Variants in ZNF385C observed in about 807,000 individuals in gnomAD.
ZNF385C encodes the protein CTD-2132N18.2.
Under a neutral mutation model 35.4 loss-of-function variants are expected in ZNF385C, and 28 were observed. The ratio of observed to expected loss-of-function variants is 0.79; its 90% CI spans 0.59 to 1.08. The LOEUF is 1.08. ZNF385C is among the 50% of genes least tolerant of loss of function. The pLI is 0.00. For missense variants in ZNF385C, 605 were observed against 595.6 expected (o/e 1.02, Z -0.16); for synonymous variants, 248 against 248.2 (o/e 1.00, Z 0.01).
intron 1 of ZNF385C, among the ~76,000 whole-genome samples, chr17:42,079,315 A>G (rs1163403017): frequency 6.9e-6 from 1 of 145,296 alleles, no homozygotes; most frequent in Non-Finnish European, 1.5e-5. Flanking sequence ...GAGACGGGAG[A>G]TTGAGGCTGC....
At chr17:42,031,582 A>G in intron 5 of ZNF385C, 37 bp downstream of exon 5, 1 of 1,523,230 alleles carries the variant, frequency 6.6e-7, no homozygotes, top group South Asian at 1.2e-5. Context: ...CCAGATTTGG[A>G]GTGGAGACGT....
At chr17:42,092,043 C>A (rs1475492557) in intron 1 of ZNF385C, among the ~76,000 whole-genome samples, 2 of 152,210 alleles carry the variant, frequency 1.3e-5, no homozygotes, top group African/African-American at 4.8e-5. Flanking sequence ...AGTCCAGGTT[C>A]TGCTAGAAGA....
chr17:42,028,124 G>GT lies in ZNF385C; in HGVS notation c.1089_1090insA (p.Arg364ThrfsTer64). 6.2e-7 allele frequency: 1 copy of GT among 1,612,820 alleles called. No homozygotes were observed. Among genetic ancestry groups the GT allele is most frequent in the Non-Finnish European group, 8.5e-7 (1 of 1,179,580 alleles). ...TGGAAGGCAGGGCTGGGCCCCTGCC[G>GT]GCCGCCCCGGCCCCCTGTGACTCTC... is the stretch of plus-strand genomic sequence containing the variant. On this transcript the variant is annotated frameshift_variant, in exon 7 of 9. Transcript: ENST00000692273. LOFTEE classifies it high-confidence loss of function.
At chr17:42,057,387 C>T (rs1159369395) in intron 2 of ZNF385C, among the ~76,000 whole-genome samples, 1 of 152,124 alleles carries the variant, frequency 6.6e-6, no homozygotes, top group Non-Finnish European at 1.5e-5. Context: ...CCAGCTGTCC[C>T]CCGATGCCCT....
At chr17:42,069,727 G>T (rs1288503645) in intron 1 of ZNF385C, among the ~76,000 whole-genome samples, 1 of 152,202 alleles carries the variant, frequency 6.6e-6, no homozygotes, top group African/African-American at 2.4e-5. Context: ...ACCCTGCCTC[G>T]CTGGGCTTTG....
intron 4 of ZNF385C, 116 bp downstream of exon 4, chr17:42,034,109 C>G: frequency 1.2e-6 from 1 of 825,078 alleles, no homozygotes; most frequent in South Asian, 1.5e-5. Flanking sequence ...GTGGAAAATA[C>G]CGACCACAGC....
intron 4 of ZNF385C, among the ~76,000 whole-genome samples, chr17:42,032,827 C>T (rs1294617403): frequency 7.2e-5 from 11 of 152,010 alleles, no homozygotes; most frequent in African/African-American, 2.7e-4. Flanking sequence ...ATTCTCCTGC[C>T]TCAGCCTCCC....
At chr17:42,040,719 T>G (rs2052997963) in intron 2 of ZNF385C, 1 of 1,232,246 alleles carries the variant, frequency 8.1e-7, no homozygotes. Context: ...CAAGGTCCAG[T>G]GCTGCCCGGA....
At chr17:42,090,057 T>A (rs2053848822) in intron 1 of ZNF385C, among the ~76,000 whole-genome samples, 1 of 152,164 alleles carries the variant, frequency 6.6e-6, no homozygotes, top group Admixed American at 6.6e-5. Context: ...ACTCCCCACC[T>A]TCCAGCCACA....
At chr17:42,067,442 C>T (rs1409828899) in intron 1 of ZNF385C, among the ~76,000 whole-genome samples, 11 of 152,004 alleles carry the variant, frequency 7.2e-5, no homozygotes, top group African/African-American at 2.4e-4. Flanking sequence ...TGTGGCTGGG[C>T]GGCAGTCCCA....
At position 42,090,007 on chromosome 17, in the gene ZNF385C, T is replaced by C. The variant is rs149585581; in HGVS notation, c.-3+8403A>G. ...ATCCTTCGGGTCAAAATATCCGTAGTGGTTAAAATATCCTGTGTCCCTCTG... is the reference window on the plus strand; with the variant it reads ...ATCCTTCGGGTCAAAATATCCGTAGCGGTTAAAATATCCTGTGTCCCTCTG... On this transcript the variant is annotated intron_variant, in intron 1 of 8. Coordinates refer to ENST00000692273, the MANE Select transcript of ZNF385C (RefSeq NM_001392013.1). 3.5e-3 allele frequency among the ~76,000 whole-genome samples: 540 copies of C among 152,302 alleles called. 4 individuals are homozygous for C. The highest frequency in any genetic ancestry group is 0.012 in the African/African-American group (510 of 41,566).
chr17:42,041,150 G>C, intron 2 of ZNF385C: 1 of 1,232,350 alleles, frequency 8.1e-7, no homozygotes, highest in South Asian at 4.1e-5. Flanking sequence ...GCCTTCAGGC[G>C]CTGGCAGGCC....
chr17:42,092,330 G>A (rs181984592), intron 1 of ZNF385C, among the ~76,000 whole-genome samples: 166 of 152,242 alleles, frequency 1.1e-3, no homozygotes, highest in African/African-American at 3.9e-3. Flanking sequence ...GAACCTGGGA[G>A]GGGGAGGTTG....
chr17:42,027,554 G>GGGCCCCCCCCCC, intron 8 of ZNF385C, 64 bp downstream of exon 8: 4 of 556,876 alleles, frequency 7.2e-6, no homozygotes, highest in Non-Finnish European at 1.3e-5. Flanking sequence ...CCCCCATCTG[G>GGGCCCCCCCCCC]CCCTCCCAGC....
chr17:42,083,922 T>A (rs2053777565), intron 1 of ZNF385C, among the ~76,000 whole-genome samples: 1 of 152,018 alleles, frequency 6.6e-6, no homozygotes, highest in Non-Finnish European at 1.5e-5. Context: ...TTTTGCCATG[T>A]TGACCAGGCT....
At chr17:42,032,770 G>A (rs1430160586) in intron 4 of ZNF385C, among the ~76,000 whole-genome samples, 1 of 151,270 alleles carries the variant, frequency 6.6e-6, no homozygotes, top group Non-Finnish European at 1.5e-5. Flanking sequence ...GGAGTGCAAC[G>A]GGAGCAATCT....
At chr17:42,076,554 G>A (rs914673467) in intron 1 of ZNF385C, among the ~76,000 whole-genome samples, 2 of 152,082 alleles carry the variant, frequency 1.3e-5, no homozygotes, top group African/African-American at 2.4e-5. Flanking sequence ...CCCGGGGGGC[G>A]GAGCTGGCAG....
intron 1 of ZNF385C, chr17:42,065,274 T>C (rs734409): frequency 0.23 from 34,649 of 152,196 alleles, 4,434 homozygotes; most frequent in East Asian, 0.34. Flanking sequence ...ACCTTGATCT[T>C]GGACTTCTAG....
chr17:42,048,648 C>G (rs2053220413), intron 2 of ZNF385C, among the ~76,000 whole-genome samples: 2 of 152,154 alleles, frequency 1.3e-5, no homozygotes, highest in Non-Finnish European at 2.9e-5. Flanking sequence ...GAAACCTGCC[C>G]TTCAATCCCT....
Sources: allele counts gnomAD v4.1 joint callset (sites outside exome capture counted in the v4.1 genomes callset), GRCh38; gene constraint gnomAD v4.1.1; transcripts MANE v1.5; gene names NCBI Gene and HGNC (gene_info 2026-07-23, HGNC 2026-07-21).